NRXN3: variants seen among roughly 807,000 people sequenced by gnomAD.
NRXN3 encodes neurexin III.
Under a neutral mutation model 137.6 loss-of-function variants are expected in NRXN3, and 32 were observed. The observed-to-expected ratio is 0.23, with a 90% CI of 0.18 to 0.31. The LOEUF (loss-of-function observed/expected upper bound fraction) is 0.31, where lower values mean the gene tolerates loss of function less well. Among genes scored for constraint, NRXN3 ranks in the 10% least tolerant of loss-of-function variants. The probability of loss-of-function intolerance (pLI) is 1.00; values close to 1 mark genes in which losing one functional copy is unlikely to be tolerated. For missense variants in NRXN3, 1,574 were observed against 2,062.5 expected, an observed-to-expected ratio of 0.76 and a Z score of 4.59; for synonymous variants, 798 against 784.5, an observed-to-expected ratio of 1.02 and a Z score of -0.29.
At chr14:78,389,453 A>T (rs1426451694) in intron 4 of NRXN3, among the ~76,000 whole-genome samples, 2 of 152,206 alleles carry the variant, frequency 1.3e-5, no homozygotes, top group Non-Finnish European at 2.9e-5. Context: ...TGCCTGTCTC[A>T]ATAAGCCTTC....
chr14:78,224,680 G>A (rs2153428651), intron 1 of NRXN3, among the ~76,000 whole-genome samples: 1 of 148,946 alleles, frequency 6.7e-6, no homozygotes, highest in African/African-American at 2.5e-5. Flanking sequence ...TATCATTATT[G>A]GACATTTGGG....
chr14:79,359,815 C>G (rs922673420), intron 15 of NRXN3, among the ~76,000 whole-genome samples: 19 of 151,920 alleles, frequency 1.3e-4, no homozygotes, highest in Admixed American at 5.2e-4. Context: ...CCCTTGCAAG[C>G]CAGTTACTTA....
chr14:79,196,812 T>C (rs147241640), intron 15 of NRXN3, among the ~76,000 whole-genome samples: 1 of 152,354 alleles, frequency 6.6e-6, no homozygotes, highest in African/African-American at 2.4e-5. Flanking sequence ...TTAATTTAAT[T>C]AGTTATCCAT....
At chr14:79,019,422 TA>T (rs753510811) in intron 15 of NRXN3, among the ~76,000 whole-genome samples, 5 of 152,134 alleles carry the variant, frequency 3.3e-5, no homozygotes, top group Non-Finnish European at 7.4e-5. Context: ...AGTCAATAAA[TA>T]AACATATTAT....
chr14:78,485,998 G>C (rs1285259286), intron 4 of NRXN3, among the ~76,000 whole-genome samples: 1 of 152,184 alleles, frequency 6.6e-6, no homozygotes, highest in Non-Finnish European at 1.5e-5. Context: ...TATTTGCAGA[G>C]TGATTTGGAA....
At chr14:78,815,877 C>T (rs1451796616) in intron 10 of NRXN3, among the ~76,000 whole-genome samples, 1 of 152,118 alleles carries the variant, frequency 6.6e-6, no homozygotes, top group Non-Finnish European at 1.5e-5. Flanking sequence ...GTCAAGTAAT[C>T]ATTACTGTCA....
chr14:78,507,908 T>C (rs1439281272), intron 4 of NRXN3, among the ~76,000 whole-genome samples: 1 of 152,178 alleles, frequency 6.6e-6, no homozygotes, highest in African/African-American at 2.4e-5. Context: ...TATGAACTCT[T>C]AGAGGATTGG....
rs187671912 is a variant in NRXN3 at position 79,195,048 on chromosome 14, G to A, written c.3262+206907G>A. Among the ~76,000 whole-genome samples, 685 of 151,954 alleles carry A rather than the reference G, an allele frequency of 4.5e-3. 1 individual carries two copies. The highest frequency in any genetic ancestry group is 5.3e-3 in the Non-Finnish European group (357 of 67,980). ...AATTAATCAAGAGTTAGTCATGGATGGCTCCTTTTCCCTCCCCTTCTTATC... is the reference window on the plus strand; with the variant it reads ...AATTAATCAAGAGTTAGTCATGGATAGCTCCTTTTCCCTCCCCTTCTTATC... On this transcript the variant is annotated intron_variant, in intron 15 of 20. Transcript: ENST00000335750.
chr14:79,055,603 T>G (rs1364641691), intron 15 of NRXN3, among the ~76,000 whole-genome samples: 1 of 152,174 alleles, frequency 6.6e-6, no homozygotes, highest in Non-Finnish European at 1.5e-5. Context: ...CTTGAAAAAT[T>G]ACACAGCTCA....
intron 6 of NRXN3, among the ~76,000 whole-genome samples, chr14:78,654,289 A>G (rs1384687387): frequency 2.0e-5 from 3 of 152,036 alleles, no homozygotes; most frequent in African/African-American, 7.2e-5. Context: ...TTATTTCACA[A>G]TCTCTTCTTC....
chr14:78,243,168 C>T lies in NRXN3; in HGVS notation c.75C>T (p.Cys25=), dbSNP rs1442816301. The change falls in exon 2 of 21, where the codon TGC becomes TGT. Residue 25 remains cysteine, a synonymous_variant. Transcript: ENST00000335750. This position sits in a 1 kb window ranked among gnomAD's most constrained non-coding sequence, Gnocchi z 4.2. ...TGCTGGGGTCCCTGCTGGGGCTCTG[C>T]CTGGGCCTTGAGTTCATGGGCCTCC... is the stretch of plus-strand genomic sequence containing the variant. ...SILLGSLLGL[C]LGLEFMGLPN... 1.9e-6 allele frequency: 3 copies of T among 1,545,220 alleles called. No individual in the cohort carries two copies. The highest frequency in any genetic ancestry group is 2.6e-6 in the Non-Finnish European group (3 of 1,152,176).
At chr14:78,737,523 G>A (rs551237976) in intron 8 of NRXN3, among the ~76,000 whole-genome samples, 4 of 152,134 alleles carry the variant, frequency 2.6e-5, no homozygotes, top group East Asian at 1.9e-4. Flanking sequence ...CTCTTGACCC[G>A]TGAGCTGCAG....
intron 10 of NRXN3, among the ~76,000 whole-genome samples, chr14:78,849,815 C>T (rs2099037744): frequency 2.0e-5 from 3 of 151,948 alleles, no homozygotes; most frequent in South Asian, 4.2e-4. Flanking sequence ...AAGATTCCAG[C>T]CTGAATGAGA....
chr14:78,815,274 T>C (rs948639030), intron 10 of NRXN3, among the ~76,000 whole-genome samples: 2 of 151,980 alleles, frequency 1.3e-5, no homozygotes, highest in East Asian at 1.9e-4. Flanking sequence ...CACAATAGAG[T>C]TATTTGTGTC....
chr14:78,261,222 T>TG (rs2070669178), intron 2 of NRXN3, among the ~76,000 whole-genome samples: 1 of 152,200 alleles, frequency 6.6e-6, no homozygotes, highest in Admixed American at 6.5e-5. Context: ...CTGGCCCAGC[T>TG]GGGGGGTCTC....
intron 1 of NRXN3, among the ~76,000 whole-genome samples, chr14:78,173,910 A>T (rs966556422): frequency 1.8e-4 from 26 of 147,716 alleles, no homozygotes; most frequent in African/African-American, 6.2e-4. Context: ...CTCTTTCCCC[A>T]CTCTACCTCC....
chr14:79,495,953 A>T (rs775687429), intron 16 of NRXN3, among the ~76,000 whole-genome samples: 2 of 151,658 alleles, frequency 1.3e-5, no homozygotes, highest in African/African-American at 4.8e-5. Flanking sequence ...GTGCTAAAAA[A>T]AAAAAACAAA....
chr14:79,167,595 TC>T (rs1428806303), intron 15 of NRXN3, among the ~76,000 whole-genome samples: 2 of 151,822 alleles, frequency 1.3e-5, no homozygotes, highest in African/African-American at 4.8e-5. Context: ...CTTTTACTTT[TC>T]TTCCTTTTTT....
At chr14:79,827,734 G>T (rs1051981787) in intron 20 of NRXN3, among the ~76,000 whole-genome samples, 2 of 140,776 alleles carry the variant, frequency 1.4e-5, no homozygotes, top group African/African-American at 2.6e-5. Context: ...CACTCTTGTC[G>T]CCCAGGCTGG....
Sources: gnomAD v4.1 joint callset for allele counts (sites outside exome capture counted in the v4.1 genomes callset) on GRCh38, gnomAD v4.1.1 for gene constraint, Gnocchi (gnomAD v3.1) non-coding constraint, MANE v1.5 for transcripts, NCBI Gene and HGNC (gene_info 2026-07-23, HGNC 2026-07-21) for gene names.